Variants in ZMAT3 observed in about 807,000 individuals in gnomAD.
The protein encoded by ZMAT3 is zinc finger matrin-type 3, also known as zinc finger matrin-type protein 3.
ZMAT3 carries 17 observed loss-of-function variants against 32.3 expected under a neutral mutation model. That is an observed-to-expected ratio of 0.53 (90% confidence interval 0.36 to 0.79). ZMAT3 has a LOEUF of 0.79. ZMAT3 is among the 30% of genes least tolerant of loss of function. The probability of loss-of-function intolerance (pLI) is 0.00; values close to 1 mark genes in which losing one functional copy is unlikely to be tolerated. For synonymous variants in ZMAT3, 120 were observed against 133.1 expected (o/e 0.90, Z 0.68); for missense variants, 329 against 359.7 (o/e 0.91, Z 0.69).
Position 179,054,298 on chromosome 3 carries a change from T to G in ZMAT3, c.270+13185A>C, listed in dbSNP as rs566053405. Reference sequence around the variant, plus strand: ...GATATTATTAGTATCATCCTCCTCATCATCATCTCCTTCTTCATGAGGCAG... The same window carrying G: ...GATATTATTAGTATCATCCTCCTCAGCATCATCTCCTTCTTCATGAGGCAG... On this transcript the variant is annotated intron_variant, in intron 2 of 5. Coordinates refer to ENST00000311417, the MANE Select transcript of ZMAT3 (RefSeq NM_022470.4). 2.0e-5 allele frequency among the ~76,000 whole-genome samples: 3 copies of G among 152,282 alleles called. No individual in the cohort carries two copies. The South Asian group carries it at 6.2e-4, about 32-fold the overall frequency.
At chr3:179,048,207 A>G (rs1720350001) in intron 2 of ZMAT3, among the ~76,000 whole-genome samples, 1 of 152,244 alleles carries the variant, frequency 6.6e-6, no homozygotes, top group Non-Finnish European at 1.5e-5. Flanking sequence ...CCTGAGGAAG[A>G]AGAGAAATCT....
Position 179,027,781 on chromosome 3 carries a change from A to T in ZMAT3, c.422T>A (p.Ile141Asn). ...ACAGTAATCATTCTCCGTGGCCAGG[A>T]TCACTCGGCCTCCTGGCTTAAAGGA... ...MGSFKPGGRVILATENDYCKL... is the reference protein window; with the variant it reads ...MGSFKPGGRVNLATENDYCKL... Residue 141 changes from isoleucine (I) to asparagine (N), a missense_variant, in exon 4 of 6, where the codon ATC (isoleucine) becomes AAC (asparagine). Ile to Asn is a moderately radical substitution (Grantham distance 149). Transcript: ENST00000311417. 1.9e-6 allele frequency: 3 copies of T among 1,613,504 alleles called. No individual in the cohort carries two copies. The highest frequency in any genetic ancestry group is 2.5e-6 in the Non-Finnish European group (3 of 1,179,932).
chr3:179,049,847 C>G (rs1022916269), intron 2 of ZMAT3, among the ~76,000 whole-genome samples: 5 of 151,754 alleles, frequency 3.3e-5, no homozygotes, highest in Non-Finnish European at 7.4e-5. Context: ...AAAAAATTAG[C>G]TGGGCGTGGT....
Position 179,067,819 on chromosome 3 carries a change from C to A in ZMAT3, c.-57-10G>T. The A allele has an allele frequency of 3.2e-6, 5 of 1,558,398 alleles. No homozygotes were observed. Among genetic ancestry groups the A allele is most frequent in the African/African-American group, 2.8e-5 (2 of 72,244 alleles). The stretch of plus-strand genomic sequence containing the variant: ...AGCAAGGTCTTCAAATCTGAATCAA[C>A]AGCAAAAAAACAGAAAAAAAAACTC... On this transcript the variant is annotated splice_polypyrimidine_tract_variant and intron_variant, in intron 1 of 5. Coordinates refer to ENST00000311417, the MANE Select transcript of ZMAT3 (RefSeq NM_022470.4).
chr3:179,032,350 T>A (rs1391900293), intron 2 of ZMAT3, among the ~76,000 whole-genome samples: 1 of 151,872 alleles, frequency 6.6e-6, no homozygotes. Flanking sequence ...CTCGGCTTGC[T>A]ACAACCTCCA....
intron 5 of ZMAT3, among the ~76,000 whole-genome samples, chr3:179,026,148 T>C (rs1293005038): frequency 6.6e-6 from 1 of 152,068 alleles, no homozygotes; most frequent in Non-Finnish European, 1.5e-5. Flanking sequence ...CAAATGGAAA[T>C]TTTGTTTGCT....
At chr3:179,052,902 C>T (rs943713044) in intron 2 of ZMAT3, among the ~76,000 whole-genome samples, 8 of 151,942 alleles carry the variant, frequency 5.3e-5, no homozygotes, top group Non-Finnish European at 1.0e-4. Context: ...CAGAGGCAGG[C>T]GGATCACATG....
At chr3:179,050,302 A>T (rs1444398608) in intron 2 of ZMAT3, among the ~76,000 whole-genome samples, 1 of 152,134 alleles carries the variant, frequency 6.6e-6, no homozygotes, top group African/African-American at 2.4e-5. Flanking sequence ...ATATTACAAC[A>T]AATACCACAG....
chr3:179,034,523 G>T (rs769395674), intron 2 of ZMAT3, among the ~76,000 whole-genome samples: 6 of 152,104 alleles, frequency 3.9e-5, no homozygotes, highest in Admixed American at 6.5e-5. Flanking sequence ...CTGACTCTAG[G>T]TTATTCTACC....
At chr3:179,031,323 T>TA (rs918546845) in intron 2 of ZMAT3, among the ~76,000 whole-genome samples, 52 of 147,112 alleles carry the variant, frequency 3.5e-4, no homozygotes, top group Admixed American at 1.4e-3. Flanking sequence ...CTCCTATGGA[T>TA]AAAAAAAAAT....
intron 3 of ZMAT3, among the ~76,000 whole-genome samples, chr3:179,028,299 G>A (rs1330816467): frequency 3.9e-5 from 6 of 151,934 alleles, no homozygotes; most frequent in South Asian, 2.1e-4. Context: ...GATATAATCC[G>A]GAAAAAAATT....
intron 2 of ZMAT3, among the ~76,000 whole-genome samples, chr3:179,055,121 G>C (rs1005604909): frequency 1.3e-5 from 2 of 152,102 alleles, no homozygotes; most frequent in Non-Finnish European, 2.9e-5. Context: ...AACCACAAAG[G>C]GACCTCCAAA....
At chr3:179,040,437 TAAAGA>T (rs1719855944) in intron 2 of ZMAT3, among the ~76,000 whole-genome samples, 1 of 152,098 alleles carries the variant, frequency 6.6e-6, no homozygotes, top group South Asian at 2.1e-4. Flanking sequence ...TCAACTTCCT[TAAAGA>T]AAAGAATTTT....
At chr3:179,042,389 C>T (rs1719989510) in intron 2 of ZMAT3, among the ~76,000 whole-genome samples, 1 of 152,210 alleles carries the variant, frequency 6.6e-6, no homozygotes, top group Admixed American at 6.5e-5. Context: ...ATCAGGTCAG[C>T]TTCATCCCTG....
chr3:179,062,021 G>A (rs1163906251), intron 2 of ZMAT3, among the ~76,000 whole-genome samples: 2 of 152,194 alleles, frequency 1.3e-5, no homozygotes, highest in Non-Finnish European at 2.9e-5. Flanking sequence ...TAGGGAATGG[G>A]TGGAGAACAG....
chr3:179,047,133 G>A (rs550882855), intron 2 of ZMAT3, among the ~76,000 whole-genome samples: 4 of 152,328 alleles, frequency 2.6e-5, no homozygotes, highest in Non-Finnish European at 5.9e-5. Context: ...ACCAGAGCAG[G>A]TGCTGGTATC....
intron 2 of ZMAT3, among the ~76,000 whole-genome samples, chr3:179,058,495 G>A (rs1209476141): frequency 6.6e-6 from 1 of 152,146 alleles, no homozygotes; most frequent in Non-Finnish European, 1.5e-5. Context: ...GGTGGCTCAC[G>A]CCTGTAATCC....
intron 1 of ZMAT3, 23 bp downstream of exon 1, chr3:179,071,572 G>A (rs1002126181): frequency 1.3e-5 from 2 of 152,172 alleles, no homozygotes; most frequent in African/African-American, 4.8e-5. Context: ...AAAGCTCCGC[G>A]GCTCCCAATC....
rs1719239352 is a variant in ZMAT3, at chr3:179,031,956, TCC to T, written c.271-959_271-958del. 1.5e-3 allele frequency among the ~76,000 whole-genome samples: 4 copies of T among 2,706 alleles called. 2 individuals carry two copies. The highest frequency in any genetic ancestry group is 5.2e-3 in the African/African-American group (4 of 776). 1.8% of individuals were successfully genotyped at this position (2,706 alleles called of 152,430 possible). A position where few individuals can be genotyped will look rare whatever the true frequency, so the allele number is the denominator to read the frequency against. On this transcript the variant is annotated intron_variant, in intron 2 of 5. Coordinates refer to ENST00000311417, the MANE Select transcript of ZMAT3 (RefSeq NM_022470.4). The stretch of plus-strand genomic sequence containing the variant: ...CTCTCCCTCCCCCTCCCCCTCCCCC[TCC>T]CCCTCCTCCTCCCCCTCCCCCTCCT...
Sources: gnomAD v4.1 joint callset for allele counts (sites outside exome capture counted in the v4.1 genomes callset) on GRCh38, gnomAD v4.1.1 for gene constraint, MANE v1.5 for transcripts, NCBI Gene and HGNC (gene_info 2026-07-23, HGNC 2026-07-21) for gene names.